Variants in EYS observed in about 807,000 individuals in gnomAD.
EYS encodes protein eyes shut homolog.
EYS carries 250 observed loss-of-function variants against 282.1 expected under a neutral mutation model. The ratio of observed to expected loss-of-function variants is 0.89; its 90% CI spans 0.80 to 0.98. The LOEUF (loss-of-function observed/expected upper bound fraction) is 0.98. Ranked by LOEUF, EYS falls within the 50% of genes least tolerant of loss-of-function variation. EYS has a pLI of 0.00. For missense variants in EYS, 4,016 were observed against 3,709.0 expected, an observed-to-expected ratio of 1.08 and a Z score of -2.15; for synonymous variants, 1,355 against 1,282.9, an observed-to-expected ratio of 1.06 and a Z score of -1.20.
intron 28 of EYS, among the ~76,000 whole-genome samples, chr6:64,416,606 G>T (rs1262003602): frequency 8.7e-5 from 13 of 149,574 alleles, no homozygotes; most frequent in African/African-American, 3.2e-4. Flanking sequence ...TTATTCATTA[G>T]GCAAAACTTC....
intron 5 of EYS, among the ~76,000 whole-genome samples, chr6:65,407,117 G>C (rs1443267918): frequency 2.6e-5 from 4 of 151,878 alleles, no homozygotes; most frequent in African/African-American, 9.7e-5. Flanking sequence ...CCATTTCTTT[G>C]GCTATTCTTG....
chr6:65,630,564 T>C (rs1766875752), intron 2 of EYS, among the ~76,000 whole-genome samples: 1 of 152,226 alleles, frequency 6.6e-6, no homozygotes, highest in Non-Finnish European at 1.5e-5. Context: ...AAAACCGGTA[T>C]ATGTGAAAGT....
At chr6:64,480,399 A>G (rs1488459541) in intron 26 of EYS, among the ~76,000 whole-genome samples, 2 of 151,894 alleles carry the variant, frequency 1.3e-5, no homozygotes, top group African/African-American at 2.4e-5. Context: ...CTTGCAAACA[A>G]TTTAATTGTG....
At chr6:64,761,387 C>G (rs1202744362) in intron 22 of EYS, among the ~76,000 whole-genome samples, 2 of 152,184 alleles carry the variant, frequency 1.3e-5, no homozygotes, top group African/African-American at 4.8e-5. Context: ...TACGTCCTCA[C>G]AAGCTTTTTG....
intron 2 of EYS, among the ~76,000 whole-genome samples, chr6:65,558,404 G>A (rs1295565574): frequency 7.2e-5 from 11 of 152,226 alleles, no homozygotes; most frequent in Non-Finnish European, 1.0e-4. Flanking sequence ...TTGGGAGTGC[G>A]GAGAGGCCAG....
chr6:65,322,869 G>T (rs1769515104), intron 11 of EYS, among the ~76,000 whole-genome samples: 1 of 149,886 alleles, frequency 6.7e-6, no homozygotes, highest in African/African-American at 2.5e-5. Context: ...GTTCCAATGT[G>T]TTCCATCCAT....
At chr6:64,387,485 TAAG>T (rs1398912357) in intron 29 of EYS, among the ~76,000 whole-genome samples, 1 of 152,138 alleles carries the variant, frequency 6.6e-6, no homozygotes, top group East Asian at 1.9e-4. Context: ...AGTTATGAAA[TAAG>T]AGGACAAATG....
chr6:65,604,011 T>C (rs1052462309), intron 2 of EYS, among the ~76,000 whole-genome samples: 16 of 151,864 alleles, frequency 1.1e-4, no homozygotes, highest in Non-Finnish European at 2.2e-4. Flanking sequence ...CAGGTACTTA[T>C]ATGTGAATTA....
chr6:64,255,990 G>A (rs146300479), intron 30 of EYS, among the ~76,000 whole-genome samples: 2,116 of 151,872 alleles, frequency 0.014, 18 homozygotes, highest in Non-Finnish European at 0.021. Flanking sequence ...TTCCATGTGC[G>A]ACTGTAAGAG....
intron 8 of EYS, among the ~76,000 whole-genome samples, chr6:65,382,062 T>A (rs1211568502): frequency 2.0e-5 from 3 of 151,882 alleles, no homozygotes; most frequent in African/African-American, 7.2e-5. Flanking sequence ...TAAATTTAGG[T>A]GGGTAATCAC....
At chr6:64,915,531 G>A (rs1447497311) in intron 15 of EYS, among the ~76,000 whole-genome samples, 2 of 152,048 alleles carry the variant, frequency 1.3e-5, no homozygotes, top group African/African-American at 4.8e-5. Flanking sequence ...ATGACATGAT[G>A]AATAAAAAGT....
intron 31 of EYS, among the ~76,000 whole-genome samples, chr6:64,173,955 T>C (rs1304007765): frequency 6.6e-6 from 1 of 152,102 alleles, no homozygotes; most frequent in Non-Finnish European, 1.5e-5. Flanking sequence ...GAAGAAAATG[T>C]GGTTTATATA....
chr6:64,025,063 C>A (rs547187422), intron 33 of EYS, among the ~76,000 whole-genome samples: 81 of 152,218 alleles, frequency 5.3e-4, no homozygotes, highest in African/African-American at 1.9e-3. Context: ...CAGTGAGTAC[C>A]ATCAGACGCC....
At chr6:64,475,051 G>A (rs976638454) in intron 26 of EYS, among the ~76,000 whole-genome samples, 4 of 152,130 alleles carry the variant, frequency 2.6e-5, no homozygotes, top group Non-Finnish European at 5.9e-5. Context: ...ATATCTTTCT[G>A]TTTTATTTTA....
chr6:64,905,866 A>G (rs60085766), intron 16 of EYS, among the ~76,000 whole-genome samples: 8,542 of 152,156 alleles, frequency 0.056, 403 homozygotes, highest in African/African-American at 0.13. Flanking sequence ...ATGAATGTAA[A>G]TAGGGAAAAA....
At chr6:64,398,321 G>C (rs184245036) in intron 28 of EYS, among the ~76,000 whole-genome samples, 2 of 151,878 alleles carry the variant, frequency 1.3e-5, no homozygotes, top group African/African-American at 4.8e-5. Context: ...TTGAACACGC[G>C]TTAGGAGATG....
At chr6:65,026,592 A>G (rs1225000354) in intron 13 of EYS, among the ~76,000 whole-genome samples, 1 of 152,146 alleles carries the variant, frequency 6.6e-6, no homozygotes, top group Non-Finnish European at 1.5e-5. Flanking sequence ...TCCACCTAGC[A>G]TTTTGGAAAA....
chr6:64,499,627 T>C (rs1236696839), intron 26 of EYS, among the ~76,000 whole-genome samples: 2 of 152,094 alleles, frequency 1.3e-5, no homozygotes, highest in Admixed American at 6.5e-5. Flanking sequence ...CTACCTCTTA[T>C]CTGTCTTTTT....
chr6:63,846,487 C>G (rs892062508), intron 36 of EYS, among the ~76,000 whole-genome samples: 1 of 152,162 alleles, frequency 6.6e-6, no homozygotes, highest in African/African-American at 2.4e-5. Context: ...AGATGAGATT[C>G]AAAAATACCC....
Sources: gnomAD v4.1 joint callset for allele counts (sites outside exome capture counted in the v4.1 genomes callset) on GRCh38, gnomAD v4.1.1 for gene constraint, MANE v1.5 for transcripts, NCBI Gene and HGNC (gene_info 2026-07-23, HGNC 2026-07-21) for gene names.